Variants in SYNJ2 observed in about 807,000 individuals in gnomAD.
SYNJ2 encodes polyphosphatidylinositol phosphatase SYNJ2.
Under a neutral mutation model 141.3 loss-of-function variants are expected in SYNJ2, and 116 were observed. The ratio of observed to expected loss-of-function variants is 0.82; its 90% CI spans 0.71 to 0.96. SYNJ2 has a LOEUF of 0.96. Among genes scored for constraint, SYNJ2 ranks in the 40% least tolerant of loss-of-function variants. The pLI is 0.00. For missense variants in SYNJ2, 1,873 were observed against 1,934.8 expected, an observed-to-expected ratio of 0.97 and a Z score of 0.60; for synonymous variants, 745 against 777.7, an observed-to-expected ratio of 0.96 and a Z score of 0.70.
rs1474664878 is a variant in SYNJ2 at position 158,062,006 on chromosome 6, T to A, written c.969T>A (p.Ala323=). 1 of 1,613,912 alleles carries A rather than the reference T, an allele frequency of 6.2e-7. No individual in the cohort carries two copies. Among genetic ancestry groups the A allele is most frequent in the South Asian group, 1.1e-5 (1 of 91,092 alleles). ...CCTCTTTTCAGAAGCTGCTCTGGGC[T>A]TCTTGCCACGCGGGCGACACGCCTA... is the stretch of plus-strand genomic sequence containing the variant. The part of the protein sequence containing the change: ...LNRAFKKLLW[A]SCHAGDTPMI... Residue 323 remains alanine, a synonymous_variant, in exon 8 of 27, where the codon GCT becomes GCA. Coordinates refer to ENST00000355585, the MANE Select transcript of SYNJ2 (RefSeq NM_003898.4).
intron 1 of SYNJ2, among the ~76,000 whole-genome samples, chr6:158,006,916 CA>C (rs1778094259): frequency 1.3e-5 from 2 of 152,012 alleles, no homozygotes; most frequent in African/African-American, 4.8e-5. Flanking sequence ...TCAGGTGATG[CA>C]CTCACCTCAG....
intron 23 of SYNJ2, among the ~76,000 whole-genome samples, chr6:158,087,874 TC>T (rs373386628): frequency 8.4e-5 from 12 of 142,532 alleles, no homozygotes; most frequent in Non-Finnish European, 1.8e-4. Context: ...GCAACATACT[TC>T]TTTTTTTTTT....
intron 18 of SYNJ2, among the ~76,000 whole-genome samples, chr6:158,080,356 T>A (rs1171389256): frequency 6.6e-6 from 1 of 151,848 alleles, no homozygotes; most frequent in Non-Finnish European, 1.5e-5. Flanking sequence ...GCGCCTGTAA[T>A]CCCAGCTACT....
At chr6:158,004,933 C>A (rs1438581050) in intron 1 of SYNJ2, among the ~76,000 whole-genome samples, 1 of 152,074 alleles carries the variant, frequency 6.6e-6, no homozygotes, top group Admixed American at 6.6e-5. Context: ...CCTTCGCCCC[C>A]TCTCCTCCAG....
intron 2 of SYNJ2, among the ~76,000 whole-genome samples, chr6:158,021,378 G>T (rs375771953): frequency 1.3e-5 from 2 of 152,218 alleles, no homozygotes; most frequent in African/African-American, 4.8e-5. Context: ...TCTCTATGTT[G>T]CCTAGTTCTC....
intron 16 of SYNJ2, 105 bp downstream of exon 16, chr6:158,074,843 C>T (rs1028905321): frequency 1.5e-6 from 2 of 1,337,604 alleles, no homozygotes; most frequent in Admixed American, 4.6e-5. Flanking sequence ...GAGTGGATTT[C>T]ACTGTTTCCA....
At chr6:158,045,860 A>G (rs1388618347) in intron 5 of SYNJ2, among the ~76,000 whole-genome samples, 1 of 152,188 alleles carries the variant, frequency 6.6e-6, no homozygotes, top group Non-Finnish European at 1.5e-5. Context: ...ACGAGGTCTC[A>G]GCTTTTTGGC....
chr6:157,986,678 A>G (rs531465138), intron 1 of SYNJ2, among the ~76,000 whole-genome samples: 1 of 152,322 alleles, frequency 6.6e-6, no homozygotes, highest in South Asian at 2.1e-4. Flanking sequence ...CGTGATTTCA[A>G]ATCTTACCAG....
At position 158,098,438 on chromosome 6, in the gene SYNJ2, G is replaced by A. The variant is rs1180315303; in HGVS notation, c.*2074G>A. ...CACAAAAAAGTTACGAGGAGTTTAA[G>A]AGTTAAATATTATTTGATCGTGGCT... is the stretch of plus-strand genomic sequence containing the variant. On this transcript the variant is annotated 3_prime_UTR_variant, in exon 27 of 27. Transcript: ENST00000355585. 7 of 151,674 alleles carry A rather than the reference G, an allele frequency of 4.6e-5. No individual in the cohort carries two copies. The highest frequency in any genetic ancestry group is 8.8e-5 in the Non-Finnish European group (6 of 67,984). 9.4% of individuals were successfully genotyped at this position (151,674 alleles called of 1,614,324 possible).
chr6:158,005,079 AT>A (rs11334192), intron 1 of SYNJ2, among the ~76,000 whole-genome samples: 56,755 of 123,688 alleles, frequency 0.46, 12,369 homozygotes, highest in African/African-American at 0.61. Flanking sequence ...CCCAGTGACT[AT>A]TTTTTTTTTT....
intron 25 of SYNJ2, among the ~76,000 whole-genome samples, chr6:158,090,667 C>G (rs548513142): frequency 2.0e-5 from 3 of 151,608 alleles, no homozygotes; most frequent in Non-Finnish European, 4.4e-5. Context: ...GCCTCAGCCA[C>G]CTGAGTAGCT....
At position 158,097,210 on chromosome 6, in the gene SYNJ2, ACT is replaced by A. The variant is rs1336265540; in HGVS notation, c.*849_*850del. 2 of 151,990 alleles carry A rather than the reference ACT, an allele frequency of 1.3e-5. No homozygotes were observed. The highest frequency in any genetic ancestry group is 2.9e-5 in the Non-Finnish European group (2 of 68,010). 9.4% of individuals were successfully genotyped at this position (151,990 alleles called of 1,614,324 possible). The stretch of plus-strand genomic sequence containing the variant: ...CCACATAAAAGCACACAGTGCGAAA[ACT>A]CTTGCTGATACGCGATATTGATTCT... On this transcript the variant is annotated 3_prime_UTR_variant, in exon 27 of 27. Coordinates refer to ENST00000355585, the MANE Select transcript of SYNJ2 (RefSeq NM_003898.4).
intron 1 of SYNJ2, among the ~76,000 whole-genome samples, chr6:157,985,136 A>T (rs1424387573): frequency 6.6e-6 from 1 of 152,154 alleles, no homozygotes; most frequent in African/African-American, 2.4e-5. Context: ...GTTCCTTATC[A>T]TTTTCAGGCA....
chr6:158,061,919 C>T lies in SYNJ2; in HGVS notation c.955-73C>T, dbSNP rs118000875. The T allele has an allele frequency of 4.0e-4, 599 of 1,493,116 alleles. 6 individuals are homozygous for T. The East Asian group carries it at 9.6e-3, about 24-fold the overall frequency. 92.5% of individuals were successfully genotyped at this position (1,493,116 alleles called of 1,614,324 possible). A position where few individuals can be genotyped will look rare whatever the true frequency, so the allele number is the denominator to read the frequency against. ...ACCTTGGTTAGCCGCACGGGTCAAG[C>T]TCTGCAAGGAGCTTGCCCTCCTCGT... On this transcript the variant is annotated intron_variant, in intron 7 of 26. Coordinates refer to ENST00000355585, the MANE Select transcript of SYNJ2 (RefSeq NM_003898.4).
At chr6:158,059,191 C>A in intron 6 of SYNJ2, 66 bp from the exon 7 acceptor site, 1 of 1,423,086 alleles carries the variant, frequency 7.0e-7, no homozygotes, top group Non-Finnish European at 9.3e-7. Flanking sequence ...CCTTGAGGGG[C>A]AGAACAGGGC....
rs1349393385 is a variant in SYNJ2, at chr6:158,081,463, GCAGA to G, written c.2822_2825del (p.Asp941ValfsTer13). The G allele has an allele frequency of 6.2e-7, 1 of 1,613,920 alleles. No individual in the cohort carries two copies. The highest frequency in any genetic ancestry group is 1.3e-5 in the African/African-American group (1 of 74,860). On this transcript the variant is annotated frameshift_variant, in exon 20 of 27. Transcript: ENST00000355585. LOFTEE classifies it high-confidence loss of function. ...CCAAGGGCAGATGCTGGTAACTTTT[GCAGA>G]CAGTCACTCGGCTCTCAGTGTCCTG...
rs1490124081 is a variant in SYNJ2 at position 158,071,250 on chromosome 6, G to C, written c.1941-352G>C. Among the ~76,000 whole-genome samples the C allele has an allele frequency of 6.6e-6, 1 of 152,180 alleles. No individual in the cohort carries two copies. The highest frequency in any genetic ancestry group is 1.5e-5 in the Non-Finnish European group (1 of 68,036). On this transcript the variant is annotated intron_variant, in intron 14 of 26. Coordinates refer to ENST00000355585, the MANE Select transcript of SYNJ2 (RefSeq NM_003898.4). This position sits in a 1 kb window ranked among gnomAD's most constrained non-coding sequence, Gnocchi z 4.3. ...GACACCTCCCATGCATGGCGTGATG[G>C]CTGCACAGGAGTGGGGTGGGCTGGT... is the stretch of plus-strand genomic sequence containing the variant.
At chr6:158,077,523 G>A (rs1750040) in intron 17 of SYNJ2, among the ~76,000 whole-genome samples, 14,938 of 151,778 alleles carry the variant, frequency 0.098, 796 homozygotes, top group Non-Finnish European at 0.11. Context: ...AATTGGACAC[G>A]AGCAAGACAC....
intron 15 of SYNJ2, among the ~76,000 whole-genome samples, chr6:158,074,245 G>A (rs1332468671): frequency 6.6e-6 from 1 of 152,138 alleles, no homozygotes; most frequent in Admixed American, 6.5e-5. Context: ...TGCTTCCTAG[G>A]AGTAGACACT....
Sources: allele counts gnomAD v4.1 joint callset (sites outside exome capture counted in the v4.1 genomes callset), GRCh38; gene constraint gnomAD v4.1.1; non-coding constraint Gnocchi (gnomAD v3.1); transcripts MANE v1.5; gene names NCBI Gene and HGNC (gene_info 2026-07-23, HGNC 2026-07-21).